ZRANB3: variants seen among roughly 807,000 people sequenced by gnomAD.
ZRANB3 encodes DNA annealing helicase and endonuclease ZRANB3.
In ZRANB3, 125 loss-of-function variants were observed where a neutral mutation model predicts 133.8. The ratio of observed to expected loss-of-function variants is 0.93; its 90% CI spans 0.81 to 1.08. The LOEUF is 1.08. ZRANB3 is among the 50% of genes least tolerant of loss of function. The pLI, the probability that ZRANB3 is intolerant of heterozygous loss-of-function variation, is 0.00. For synonymous variants in ZRANB3, 387 were observed against 432.7 expected, an observed-to-expected ratio of 0.89 and a Z score of 1.31; for missense variants, 1,229 against 1,275.5, an observed-to-expected ratio of 0.96 and a Z score of 0.56.
chr2:135,401,646 G>T (rs1441046273), intron 2 of ZRANB3, among the ~76,000 whole-genome samples: 1 of 152,228 alleles, frequency 6.6e-6, no homozygotes, highest in Non-Finnish European at 1.5e-5. Context: ...GTTAGCACAT[G>T]TCGTTTTGTC....
At chr2:135,477,195 G>A (rs966502887) in intron 2 of ZRANB3, among the ~76,000 whole-genome samples, 6 of 152,220 alleles carry the variant, frequency 3.9e-5, no homozygotes, top group African/African-American at 1.4e-4. Flanking sequence ...CACATAACCA[G>A]AAAGAGGGAG....
At chr2:135,331,585 C>T (rs925911930) in intron 6 of ZRANB3, among the ~76,000 whole-genome samples, 1 of 151,776 alleles carries the variant, frequency 6.6e-6, no homozygotes, top group South Asian at 2.1e-4. Flanking sequence ...GCACTGTGTT[C>T]AAGTCCTGGA....
intron 2 of ZRANB3, among the ~76,000 whole-genome samples, chr2:135,417,948 C>T (rs906790469): frequency 1.7e-4 from 26 of 151,722 alleles, no homozygotes; most frequent in Admixed American, 1.3e-4. Context: ...CATCACACTC[C>T]GGGGACTGTT....
At chr2:135,418,948 T>TTTTTTTTTTTTG (rs1688712355) in intron 2 of ZRANB3, among the ~76,000 whole-genome samples, 1 of 121,108 alleles carries the variant, frequency 8.3e-6, no homozygotes, top group Admixed American at 7.8e-5. Flanking sequence ...TTTTTTTTTT[T>TTTTTTTTTTTTG]TTTTTTTGAG....
chr2:135,263,908 T>C (rs1680091595), intron 12 of ZRANB3, among the ~76,000 whole-genome samples: 1 of 151,668 alleles, frequency 6.6e-6, no homozygotes, highest in Non-Finnish European at 1.5e-5. Context: ...CCCAAGTAGC[T>C]GGGATTACAG....
chr2:135,447,073 C>T (rs2105000377), intron 2 of ZRANB3, among the ~76,000 whole-genome samples: 1 of 152,134 alleles, frequency 6.6e-6, no homozygotes, highest in Admixed American at 6.5e-5. Context: ...GAGACTCTCG[C>T]TCTGTCTGTC....
At chr2:135,347,616 A>G (rs74265460) in intron 5 of ZRANB3, among the ~76,000 whole-genome samples, 19,333 of 152,188 alleles carry the variant, frequency 0.13, 1,529 homozygotes, top group South Asian at 0.32. Flanking sequence ...ACCTAAGAAT[A>G]AAATCGCTGG....
intron 12 of ZRANB3, among the ~76,000 whole-genome samples, chr2:135,235,642 T>G (rs1274778701): frequency 6.7e-6 from 1 of 150,062 alleles, no homozygotes; most frequent in Non-Finnish European, 1.5e-5. Context: ...CATACGAAAA[T>G]CAATAAACGT....
In ZRANB3 at chr2:135,207,610, A is replaced by G; in HGVS notation, c.2833T>C (p.Trp945Arg). Reference sequence around the variant, plus strand: ...AGGTAACTGTTATTAGATCGAATCCAAAACTCTTCCTGACATTTCAGAGAG... The same window carrying G: ...AGGTAACTGTTATTAGATCGAATCCGAAACTCTTCCTGACATTTCAGAGAG... ...FCSLKCQEEF[W>R]IRSNNSYLRA... is the part of the protein sequence containing the mutation. The change falls in exon 19 of 21, where the codon TGG becomes CGG. Residue 945 changes from tryptophan to arginine, a missense_variant. Physicochemically the swap from Trp to Arg is moderately radical, Grantham distance 101 (BLOSUM62 -3). Coordinates refer to ENST00000264159, the MANE Select transcript of ZRANB3 (RefSeq NM_032143.4). The G allele has an allele frequency of 6.2e-7, 1 of 1,614,036 alleles. No individual in the cohort carries two copies. Among genetic ancestry groups the G allele is most frequent in the Non-Finnish European group, 8.5e-7 (1 of 1,179,886 alleles).
chr2:135,233,323 T>C (rs1377082298), intron 12 of ZRANB3, among the ~76,000 whole-genome samples: 3 of 152,188 alleles, frequency 2.0e-5, no homozygotes, highest in Admixed American at 6.5e-5. Flanking sequence ...CTGATTGGTG[T>C]ACCTGAAACT....
chr2:135,511,740 T>C, intron 1 of ZRANB3: 1 of 765,116 alleles, frequency 1.3e-6, no homozygotes, highest in Non-Finnish European at 2.4e-6. Flanking sequence ...TGCTGAAGTT[T>C]CGTGACATCA....
chr2:135,254,343 A>C (rs2105098648), intron 12 of ZRANB3, among the ~76,000 whole-genome samples: 1 of 152,334 alleles, frequency 6.6e-6, no homozygotes, highest in African/African-American at 2.4e-5. Flanking sequence ...ATTGCATTAA[A>C]ATGATTTGTT....
intron 2 of ZRANB3, among the ~76,000 whole-genome samples, chr2:135,483,605 T>C (rs1405511852): frequency 6.6e-6 from 1 of 152,094 alleles, no homozygotes; most frequent in African/African-American, 2.4e-5. Flanking sequence ...TTTGTGTCTC[T>C]ATTTCCTTCA....
chr2:135,273,953 T>C (rs1157747047), intron 9 of ZRANB3, among the ~76,000 whole-genome samples: 1 of 152,186 alleles, frequency 6.6e-6, no homozygotes, highest in Non-Finnish European at 1.5e-5. Context: ...TTTTAAGGTA[T>C]AATGGAATCA....
chr2:135,378,916 T>G (rs1415462998), intron 3 of ZRANB3, among the ~76,000 whole-genome samples: 1 of 152,236 alleles, frequency 6.6e-6, no homozygotes, highest in East Asian at 1.9e-4. Flanking sequence ...GAGACATTGC[T>G]AATATGCAGA....
At chr2:135,289,845 G>C (rs745338612) in intron 8 of ZRANB3, among the ~76,000 whole-genome samples, 3 of 152,188 alleles carry the variant, frequency 2.0e-5, no homozygotes, top group Non-Finnish European at 4.4e-5. Flanking sequence ...AGAGGTTGTG[G>C]TGAGTCAAGA....
At chr2:135,358,902 G>A (rs1033084157) in intron 3 of ZRANB3, among the ~76,000 whole-genome samples, 1 of 151,858 alleles carries the variant, frequency 6.6e-6, no homozygotes, top group Non-Finnish European at 1.5e-5. Context: ...TGCAAGCCCC[G>A]GCCCACATGG....
At chr2:135,406,621 C>G (rs1410171103) in intron 2 of ZRANB3, among the ~76,000 whole-genome samples, 4 of 152,162 alleles carry the variant, frequency 2.6e-5, no homozygotes, top group African/African-American at 7.2e-5. Context: ...AGCTTATCCA[C>G]CATGATCAAG....
At chr2:135,340,352 T>C (rs907093656) in intron 6 of ZRANB3, among the ~76,000 whole-genome samples, 5 of 151,958 alleles carry the variant, frequency 3.3e-5, no homozygotes, top group Non-Finnish European at 5.9e-5. Context: ...GTGATCTACC[T>C]GGCTTGGCCT....
Sources: allele counts gnomAD v4.1 joint callset (sites outside exome capture counted in the v4.1 genomes callset), GRCh38; gene constraint gnomAD v4.1.1; transcripts MANE v1.5; gene names NCBI Gene and HGNC (gene_info 2026-07-23, HGNC 2026-07-21).